Variants in GRM8 observed in about 807,000 individuals in gnomAD.
The protein encoded by GRM8 is glutamate metabotropic receptor 8, also known as metabotropic glutamate receptor 8.
GRM8 carries 47 observed loss-of-function variants against 87.2 expected under a neutral mutation model. The observed-to-expected ratio is 0.54, with a 90% CI of 0.43 to 0.69. GRM8 has a LOEUF of 0.69. GRM8 is among the 30% of genes least tolerant of loss of function. The pLI is 0.00. For synonymous variants in GRM8, 396 were observed against 404.5 expected (o/e 0.98, Z 0.25); for missense variants, 1,019 against 1,139.2 (o/e 0.89, Z 1.52).
At chr7:126,577,306 TA>T (rs977417427) in intron 8 of GRM8, among the ~76,000 whole-genome samples, 1 of 152,156 alleles carries the variant, frequency 6.6e-6, no homozygotes, top group African/African-American at 2.4e-5. Context: ...TGCAGTTACC[TA>T]AAGGAACTTC....
At chr7:126,980,146 A>G (rs1811377344) in intron 3 of GRM8, among the ~76,000 whole-genome samples, 1 of 152,214 alleles carries the variant, frequency 6.6e-6, no homozygotes, top group South Asian at 2.1e-4. Context: ...TCTCCCACTT[A>G]AGGTCAGAGT....
intron 2 of GRM8, among the ~76,000 whole-genome samples, chr7:127,207,212 A>G (rs975763820): frequency 6.6e-5 from 10 of 152,182 alleles, no homozygotes; most frequent in African/African-American, 2.4e-4. Flanking sequence ...TAAATTGCTG[A>G]TTATGTTCTT....
chr7:126,786,172 T>C lies in GRM8; in HGVS notation c.1157-16107A>G, dbSNP rs139787612. Among the ~76,000 whole-genome samples the C allele has an allele frequency of 3.8e-3, 582 of 152,280 alleles. 6 individuals carry two copies. Among genetic ancestry groups the C allele is most frequent in the African/African-American group, 0.014 (562 of 41,578 alleles). On this transcript the variant is annotated intron_variant, in intron 6 of 10. Coordinates refer to ENST00000339582, the MANE Select transcript of GRM8 (RefSeq NM_000845.3). Reference sequence around the variant, plus strand: ...ACTTCAAAGTGTTGTAAGGAATCAATCAAATAAAAACTACAATTTCTAGTT... The same window carrying C: ...ACTTCAAAGTGTTGTAAGGAATCAACCAAATAAAAACTACAATTTCTAGTT...
chr7:126,992,049 CAG>C (rs1239030878), intron 3 of GRM8, among the ~76,000 whole-genome samples: 4 of 152,200 alleles, frequency 2.6e-5, no homozygotes, highest in African/African-American at 9.6e-5. Context: ...CTAATTGAAA[CAG>C]AGTTAAAGTG....
rs1381057566 is a variant in GRM8 at position 126,685,408 on chromosome 7, G to A, written c.1358-75910C>T. ...AGACCCACCCCCTCTGAGTTAGCTG[G>A]GTGGGAGCTCCCTGGGTGCAGCTGC... On this transcript the variant is annotated intron_variant, in intron 7 of 10. Transcript: ENST00000339582. This position sits in a 1 kb window ranked among gnomAD's most constrained non-coding sequence, Gnocchi z 4.2. 6.6e-6 allele frequency among the ~76,000 whole-genome samples: 1 copy of A among 152,110 alleles called. No homozygotes were observed. The highest frequency in any genetic ancestry group is 1.5e-5 in the Non-Finnish European group (1 of 68,002).
chr7:126,807,186 TCTC>T (rs924922932), intron 6 of GRM8, among the ~76,000 whole-genome samples: 3 of 152,128 alleles, frequency 2.0e-5, no homozygotes, highest in African/African-American at 4.8e-5. Context: ...GACTAGGTCT[TCTC>T]CTCCAAGAAA....
intron 7 of GRM8, among the ~76,000 whole-genome samples, chr7:126,742,271 C>T (rs1815094281): frequency 6.6e-6 from 1 of 151,718 alleles, no homozygotes; most frequent in South Asian, 2.1e-4. Flanking sequence ...ATGTTTAAAC[C>T]TTATTCTCAC....
chr7:127,025,354 C>T (rs924967052), intron 3 of GRM8, among the ~76,000 whole-genome samples: 1 of 152,070 alleles, frequency 6.6e-6, no homozygotes, highest in African/African-American at 2.4e-5. Context: ...CAATACCAGC[C>T]ACCATACCCA....
chr7:127,172,295 ATAC>A (rs1793850811), intron 2 of GRM8, among the ~76,000 whole-genome samples: 1 of 152,124 alleles, frequency 6.6e-6, no homozygotes, highest in Non-Finnish European at 1.5e-5. Context: ...GCAAAAATTT[ATAC>A]TAATGTAATT....
intron 2 of GRM8, among the ~76,000 whole-genome samples, chr7:127,179,729 A>G (rs1467149233): frequency 2.0e-5 from 3 of 152,150 alleles, no homozygotes; most frequent in Non-Finnish European, 2.9e-5. Flanking sequence ...TGGAAATTAA[A>G]TAACCTGTTC....
At chr7:127,249,963 C>T (rs1327750192) in intron 1 of GRM8, among the ~76,000 whole-genome samples, 1 of 152,172 alleles carries the variant, frequency 6.6e-6, no homozygotes, top group Non-Finnish European at 1.5e-5. Context: ...TTTTAAGACA[C>T]TGGGACAGAG....
intron 3 of GRM8, among the ~76,000 whole-genome samples, chr7:127,023,383 T>C (rs1816466997): frequency 6.6e-6 from 1 of 152,086 alleles, no homozygotes; most frequent in African/African-American, 2.4e-5. Flanking sequence ...GCAAAACCTA[T>C]TTTTAAGTCT....
chr7:126,660,203 A>G (rs1804999052), intron 7 of GRM8, among the ~76,000 whole-genome samples: 2 of 152,154 alleles, frequency 1.3e-5, no homozygotes. Flanking sequence ...CATTCCTAAC[A>G]CTGACCTTAA....
chr7:126,775,213 G>GAA (rs1819283531), intron 6 of GRM8, among the ~76,000 whole-genome samples: 2 of 126,056 alleles, frequency 1.6e-5, no homozygotes, highest in Non-Finnish European at 3.8e-5. Context: ...GGAGAGAATG[G>GAA]TAGAGGAAGA....
intron 3 of GRM8, among the ~76,000 whole-genome samples, chr7:127,050,728 A>G (rs374010660): frequency 2.0e-5 from 3 of 152,316 alleles, no homozygotes; most frequent in East Asian, 3.9e-4. Flanking sequence ...ACTTTTGCAG[A>G]GAGCCGATGA....
At chr7:126,618,333 G>A (rs1315315662) in intron 7 of GRM8, among the ~76,000 whole-genome samples, 1 of 152,170 alleles carries the variant, frequency 6.6e-6, no homozygotes, top group Non-Finnish European at 1.5e-5. Context: ...TATGTAGAAA[G>A]CTCAAACTGG....
chr7:126,947,168 G>GA (rs1807629207), intron 3 of GRM8, among the ~76,000 whole-genome samples: 1 of 152,086 alleles, frequency 6.6e-6, no homozygotes, highest in Non-Finnish European at 1.5e-5. Flanking sequence ...ATTGATGTAG[G>GA]AAAAAAGACA....
At chr7:126,976,866 T>C (rs557302354) in intron 3 of GRM8, among the ~76,000 whole-genome samples, 22 of 151,652 alleles carry the variant, frequency 1.5e-4, no homozygotes, top group African/African-American at 4.4e-4. Flanking sequence ...TGTTTTACTA[T>C]AGAGATGACA....
At chr7:126,467,253 T>C (rs1327991784) in intron 9 of GRM8, among the ~76,000 whole-genome samples, 2 of 151,928 alleles carry the variant, frequency 1.3e-5, no homozygotes, top group Non-Finnish European at 2.9e-5. Context: ...TGTTTGGTTT[T>C]CTGTTCCTGT....
Sources: allele counts gnomAD v4.1 joint callset (sites outside exome capture counted in the v4.1 genomes callset), GRCh38; gene constraint gnomAD v4.1.1; non-coding constraint Gnocchi (gnomAD v3.1); transcripts MANE v1.5; gene names NCBI Gene and HGNC (gene_info 2026-07-23, HGNC 2026-07-21).